Variants in FAM171A2 observed in about 807,000 individuals in gnomAD.
FAM171A2 encodes protein FAM171A2.
A neutral mutation model predicts 34.2 loss-of-function variants in FAM171A2; 13 were observed. That is an observed-to-expected ratio of 0.38 (90% CI 0.25 to 0.60). FAM171A2 has a LOEUF of 0.60. Among genes scored for constraint, FAM171A2 ranks in the 20% least tolerant of loss-of-function variants. The pLI is 0.62. For missense variants in FAM171A2, 950 were observed against 1,180.7 expected, an observed-to-expected ratio of 0.80 and a Z score of 2.86; for synonymous variants, 475 against 561.2, an observed-to-expected ratio of 0.85 and a Z score of 2.17.
chr17:44,356,589 C>G lies in FAM171A2; in HGVS notation c.440-1G>C. ...TGCACCAAGGGCTGGGAGCGGGCAC[C>G]TGGAGGGAAAGAGGGGCTGCAGTGG... On this transcript the variant is annotated splice_acceptor_variant, in intron 3 of 7. Coordinates refer to ENST00000293443, the MANE Select transcript of FAM171A2 (RefSeq NM_198475.3). LOFTEE classifies it high-confidence loss of function. The G allele has an allele frequency of 6.5e-7, 1 of 1,539,646 alleles. No individual in the cohort carries two copies. Among genetic ancestry groups the G allele is most frequent in the Non-Finnish European group, 8.8e-7 (1 of 1,141,024 alleles).
In FAM171A2 at chr17:44,359,994, C is replaced by T; in HGVS notation, c.257G>A (p.Ser86Asn). 1.9e-6 allele frequency: 3 copies of T among 1,551,714 alleles called. No homozygotes were observed. The highest frequency in any genetic ancestry group is 2.0e-5 in the Admixed American group (1 of 51,000). The change falls in exon 2 of 8, where the codon AGT becomes AAT. Residue 86 changes from serine (S) to asparagine (N), a missense_variant. Ser to Asn is a conservative substitution (Grantham distance 46). Coordinates refer to ENST00000293443, the MANE Select transcript of FAM171A2 (RefSeq NM_198475.3). Reference protein sequence around the residue: ...DSEGVATLPLSYRLGTWVLVT... With the variant: ...DSEGVATLPLNYRLGTWVLVT... ...CAGCACCCAGGTGCCCAAGCGATAACTGAGGGGCAGGGTGGCCACACCCTC... is the reference window on the plus strand; with the variant it reads ...CAGCACCCAGGTGCCCAAGCGATAATTGAGGGGCAGGGTGGCCACACCCTC...
At position 44,359,934 on chromosome 17, in the gene FAM171A2, G is replaced by C; in HGVS notation, c.317C>G (p.Ser106Cys). The change falls in exon 2 of 8, where the codon TCT becomes TGT. Residue 106 changes from serine to cysteine, a missense_variant. By Grantham distance (112) the Ser-to-Cys change is moderately radical (BLOSUM62 -1). Around this residue, in one of 3 missense-constraint regions of FAM171A2, gnomAD observed 752 missense variants for 924.5 expected, o/e 0.81. Coordinates refer to ENST00000293443, the MANE Select transcript of FAM171A2 (RefSeq NM_198475.3). ...TAARPGFLTN[S>C]VPWRVDKLPL... ...CAGCTTGTCAACACGCCAGGGCACA[G>C]AGTTGGTGAGGAAGCCAGGGCGGGC... 1 of 1,549,024 alleles carries C rather than the reference G, an allele frequency of 6.5e-7. No individual in the cohort carries two copies. Among genetic ancestry groups the C allele is most frequent in the Non-Finnish European group, 8.7e-7 (1 of 1,145,434 alleles).
rs2048404461 is a variant in FAM171A2, at chr17:44,353,881, G to A, written c.2333C>T (p.Ser778Phe). The change falls in exon 8 of 8, where the codon TCC becomes TTC. Residue 778 changes from serine to phenylalanine, a missense_variant. By Grantham distance (155) the Ser-to-Phe change is radical (BLOSUM62 -2). This residue lies in a region of FAM171A2 where 191 missense variants were observed against 222.8 expected (regional missense o/e 0.86). Coordinates refer to ENST00000293443, the MANE Select transcript of FAM171A2 (RefSeq NM_198475.3). ...RGRGRSRGDS[S>F]RSSASELRRD... ...CCGCAGCTCGCTGGCGCTGCTGCGG[G>A]AGCTGTCCCCGCGGCTGCGGCCCCG... 7.5e-7 allele frequency: 1 copy of A among 1,341,256 alleles called. No individual in the cohort carries two copies. The highest frequency in any genetic ancestry group is 9.5e-7 in the Non-Finnish European group (1 of 1,048,014). 83.1% of individuals were successfully genotyped at this position (1,341,256 alleles called of 1,614,324 possible). A position where few individuals can be genotyped will look rare whatever the true frequency, so the allele number is the denominator to read the frequency against.
At position 44,354,682 on chromosome 17, in the gene FAM171A2, G is replaced by C; in HGVS notation, c.1532C>G (p.Pro511Arg). 7.5e-7 allele frequency: 1 copy of C among 1,330,974 alleles called. No individual in the cohort carries two copies. The highest frequency in any genetic ancestry group is 9.6e-7 in the Non-Finnish European group (1 of 1,039,502). 82.4% of individuals were successfully genotyped at this position (1,330,974 alleles called of 1,614,324 possible). ...GAGCTGCCCCGCCTGGCCCAGCGAC[G>C]GCGGCCGCGCCAGCTGGTCCACCGA... is the stretch of plus-strand genomic sequence containing the variant. ...SQSVDQLARP[P>R]SLGQAGQLIF... The change falls in exon 8 of 8, where the codon CCG (proline) becomes CGG (arginine). Residue 511 changes from proline (P) to arginine (R), a missense_variant. This residue lies in a region of FAM171A2 where 752 missense variants were observed against 924.5 expected (regional missense o/e 0.81). Transcript: ENST00000293443. This position sits in a 1 kb window ranked among gnomAD's most constrained non-coding sequence, Gnocchi z 5.8.
In FAM171A2 at chr17:44,354,057, GGGCGGC is replaced by G. The variant is rs961223614; in HGVS notation, c.2151_2156del (p.Pro718_Pro719del). ...CGCTGAGCGCCAGGCGCGGGGGCGC[GGGCGGC>G]GGCGGCGGCGCGGCAGGCGGGGCGC... On this transcript the variant is annotated inframe_deletion, in exon 8 of 8. Transcript: ENST00000293443. The surrounding 1 kb of genome is among the most constrained non-coding windows in gnomAD (Gnocchi z 5.8). The G allele has an allele frequency of 2.4e-5, 27 of 1,124,800 alleles. No homozygotes were observed. The Middle Eastern group carries it at 1.5e-3, about 62-fold the overall frequency. 69.7% of individuals were successfully genotyped at this position (1,124,800 alleles called of 1,614,324 possible). A position where few individuals can be genotyped will look rare whatever the true frequency, so the allele number is the denominator to read the frequency against.
Position 44,354,583 on chromosome 17 carries a change from G to A in FAM171A2, c.1631C>T (p.Ala544Val). 8.1e-7 allele frequency: 1 copy of A among 1,233,262 alleles called. No homozygotes were observed. The highest frequency in any genetic ancestry group is 1.0e-6 in the Non-Finnish European group (1 of 985,596). 76.4% of individuals were successfully genotyped at this position (1,233,262 alleles called of 1,614,324 possible). A position where few individuals can be genotyped will look rare whatever the true frequency, so the allele number is the denominator to read the frequency against. The change falls in exon 8 of 8, where the codon GCG (alanine) becomes GTG (valine). Residue 544 changes from alanine (A) to valine (V), a missense_variant. Transcript: ENST00000293443. This position sits in a 1 kb window ranked among gnomAD's most constrained non-coding sequence, Gnocchi z 5.8. Reference protein sequence around the residue: ...RNVMPTLVIPAHYVRLGGEAG... With the variant: ...RNVMPTLVIPVHYVRLGGEAG... ...CTCGCCGCCGAGGCGCACGTAGTGC[G>A]CGGGGATCACCAGGGTGGGCATGAC...
chr17:44,360,255 G>T (rs1054127365), intron 1 of FAM171A2, 123 bp from the exon 2 acceptor site: 2 of 792,636 alleles, frequency 2.5e-6, no homozygotes, highest in Non-Finnish European at 2.0e-6. Context: ...GCTAGAGAAG[G>T]CATGATTTAA....
chr17:44,359,488 A>T (rs2048438969), intron 3 of FAM171A2, 91 bp downstream of exon 3: 1 of 1,130,304 alleles, frequency 8.8e-7, no homozygotes, highest in Admixed American at 2.1e-5. Flanking sequence ...TGACTTGCCC[A>T]AGGACACCCA....
Position 44,353,692 on chromosome 17 carries a change from G to A in FAM171A2, c.*41C>T, listed in dbSNP as rs1032146333. ...CCCCCGGGGCGCGCACCCTGGGTGC[G>A]GGCCCGCGCGGGAGGGGCGGTGCCA... On this transcript the variant is annotated 3_prime_UTR_variant, in exon 8 of 8. Transcript: ENST00000293443. 8 of 1,259,306 alleles carry A rather than the reference G, an allele frequency of 6.4e-6. No homozygotes were observed. The highest frequency in any genetic ancestry group is 8.0e-6 in the Non-Finnish European group (8 of 1,004,514). The allele number at this position is 1,259,306 out of a possible 1,614,324, so 78.0% of individuals were successfully genotyped here. A position where few individuals can be genotyped will look rare whatever the true frequency, so the allele number is the denominator to read the frequency against.
chr17:44,357,201 G>T (rs1180808675), intron 3 of FAM171A2, among the ~76,000 whole-genome samples: 1 of 151,878 alleles, frequency 6.6e-6, no homozygotes, highest in South Asian at 2.1e-4. Context: ...TACAAAATTA[G>T]CTGGGTGTGG....
Position 44,357,152 on chromosome 17 carries a change from A to T in FAM171A2, c.440-564T>A, listed in dbSNP as rs2048427629. The stretch of plus-strand genomic sequence containing the variant: ...CACCTGAGGTCAGGAGTTGGAGACC[A>T]GCCTGACCAACATGGAGAAACCCTG... On this transcript the variant is annotated intron_variant, in intron 3 of 7. Coordinates refer to ENST00000293443, the MANE Select transcript of FAM171A2 (RefSeq NM_198475.3). Among the ~76,000 whole-genome samples the T allele has an allele frequency of 2.6e-5, 4 of 152,080 alleles. No homozygotes were observed. The South Asian group carries it at 8.3e-4, about 32-fold the overall frequency.
rs1465481694 is a variant in FAM171A2 at position 44,356,286 on chromosome 17, C to G, written c.665G>C (p.Gly222Ala). ...GGGGCCTGAGAGCGGCACCTCTGTCCCATTACCTGTCAGCAGGTGCACGCT... is the reference window on the plus strand; with the variant it reads ...GGGGCCTGAGAGCGGCACCTCTGTCGCATTACCTGTCAGCAGGTGCACGCT... The part of the protein sequence containing the change: ...AVSVHLLTGN[G>A]TEVPLSGPIH... Residue 222 changes from glycine to alanine, a missense_variant, in exon 5 of 8, where the codon GGG becomes GCG. This residue lies in a region of FAM171A2 where 752 missense variants were observed against 924.5 expected (regional missense o/e 0.81). Coordinates refer to ENST00000293443, the MANE Select transcript of FAM171A2 (RefSeq NM_198475.3). The G allele has an allele frequency of 6.4e-7, 1 of 1,551,034 alleles. No individual in the cohort carries two copies. Among genetic ancestry groups the G allele is most frequent in the Non-Finnish European group, 8.7e-7 (1 of 1,146,706 alleles).
chr17:44,357,759 T>G lies in FAM171A2; in HGVS notation c.440-1171A>C, dbSNP rs1164700813. On this transcript the variant is annotated intron_variant, in intron 3 of 7. Transcript: ENST00000293443. ...TGTGTGTGTGTGTGTGTGTGTGTGT[T>G]GGGGTGGAGGGGACAGACATACAAA... Among the ~76,000 whole-genome samples the G allele has an allele frequency of 1.4e-3, 106 of 74,452 alleles. 1 individual carries two copies. Among genetic ancestry groups the G allele is most frequent in the African/African-American group, 7.2e-3 (101 of 14,010 alleles). 48.8% of individuals were successfully genotyped at this position (74,452 alleles called of 152,430 possible). A position where few individuals can be genotyped will look rare whatever the true frequency, so the allele number is the denominator to read the frequency against.
rs1259087677 is a variant in FAM171A2 at position 44,354,903 on chromosome 17, C to T, written c.1311G>A (p.Glu437=). The change falls in exon 8 of 8, where the codon GAG becomes GAA. Residue 437 remains glutamate (E), a synonymous_variant. Coordinates refer to ENST00000293443, the MANE Select transcript of FAM171A2 (RefSeq NM_198475.3). The surrounding 1 kb of genome is among the most constrained non-coding windows in gnomAD (Gnocchi z 5.8). ...AAEPSGARGG[E]SAGLKGARSA... ...AGCGAGCGCCCTTGAGCCCGGCGCT[C>T]TCGCCCCCGCGGGCACCCGAAGGCT... The T allele has an allele frequency of 1.1e-5, 16 of 1,397,972 alleles. No individual in the cohort carries two copies. Among genetic ancestry groups the T allele is most frequent in the Middle Eastern group, 2.7e-4 (1 of 3,772 alleles). The allele number at this position is 1,397,972 out of a possible 1,614,324, so 86.6% of individuals were successfully genotyped here. A position where few individuals can be genotyped will look rare whatever the true frequency, so the allele number is the denominator to read the frequency against.
At position 44,353,891 on chromosome 17, in the gene FAM171A2, C is replaced by CGCGGCT. The variant is rs1328567734; in HGVS notation, c.2317_2322dup (p.Ser773_Arg774dup). 2 of 1,312,238 alleles carry CGCGGCT rather than the reference C, an allele frequency of 1.5e-6. No individual in the cohort carries two copies. Among genetic ancestry groups the CGCGGCT allele is most frequent in the East Asian group, 3.3e-5 (1 of 30,636 alleles). The allele number at this position is 1,312,238 out of a possible 1,614,324, so 81.3% of individuals were successfully genotyped here. A position where few individuals can be genotyped will look rare whatever the true frequency, so the allele number is the denominator to read the frequency against. On this transcript the variant is annotated inframe_insertion, in exon 8 of 8. Transcript: ENST00000293443. Reference sequence around the variant, plus strand: ...CTGGCGCTGCTGCGGGAGCTGTCCCCGCGGCTGCGGCCCCGCCCCCGGGGT... The same window carrying CGCGGCT: ...CTGGCGCTGCTGCGGGAGCTGTCCCCGCGGCTGCGGCTGCGGCCCCGCCCCCGGGGT...
chr17:44,355,564 A>C lies in FAM171A2; in HGVS notation c.1022+151T>G, dbSNP rs1413816595. On this transcript the variant is annotated intron_variant, in intron 7 of 7. Coordinates refer to ENST00000293443, the MANE Select transcript of FAM171A2 (RefSeq NM_198475.3). The surrounding 1 kb of genome is among the most constrained non-coding windows in gnomAD (Gnocchi z 4.1). The stretch of plus-strand genomic sequence containing the variant: ...CCCCTCCCACCTCCCCGCTGTCTTC[A>C]ACCACCAGCACCAGCCCTTCAGGTC... 2 of 1,207,536 alleles carry C rather than the reference A, an allele frequency of 1.7e-6. No individual in the cohort carries two copies. The highest frequency in any genetic ancestry group is 1.5e-5 in the South Asian group (1 of 65,548). The allele number at this position is 1,207,536 out of a possible 1,614,324, so 74.8% of individuals were successfully genotyped here.
At chr17:44,362,446 G>A (rs939736615) in intron 1 of FAM171A2, among the ~76,000 whole-genome samples, 3 of 152,066 alleles carry the variant, frequency 2.0e-5, no homozygotes, top group Admixed American at 6.5e-5. Context: ...CCCTTCATCC[G>A]GACCCCACTT....
rs2048406737 is a variant in FAM171A2, at chr17:44,354,102, C to T, written c.2112G>A (p.Arg704=). The change falls in exon 8 of 8, where the codon AGG becomes AGA. Residue 704 remains arginine (R), a synonymous_variant. Coordinates refer to ENST00000293443, the MANE Select transcript of FAM171A2 (RefSeq NM_198475.3). The surrounding 1 kb of genome is among the most constrained non-coding windows in gnomAD (Gnocchi z 5.8). ...EARPARRRPA[R]EERERAPPAA... ...CAGGCGGGGCGCGCTCCCGCTCCTC[C>T]CTCGCGGGCCGGCGGCGCGCGGGCC... 2 of 1,123,028 alleles carry T rather than the reference C, an allele frequency of 1.8e-6. No homozygotes were observed. Among genetic ancestry groups the T allele is most frequent in the Non-Finnish European group, 2.2e-6 (2 of 917,912 alleles). 69.6% of individuals were successfully genotyped at this position (1,123,028 alleles called of 1,614,324 possible). A position where few individuals can be genotyped will look rare whatever the true frequency, so the allele number is the denominator to read the frequency against.
At chr17:44,356,104 G>A (rs1598368769) in intron 5 of FAM171A2, 30 bp from the exon 6 acceptor site, 5 of 1,525,588 alleles carry the variant, frequency 3.3e-6, no homozygotes, top group Admixed American at 4.1e-5. Context: ...TGTCACACTT[G>A]AGTCGCTCCC....
Sources: allele counts gnomAD v4.1 joint callset (sites outside exome capture counted in the v4.1 genomes callset), GRCh38; gene constraint gnomAD v4.1.1; regional missense constraint gnomAD v4.1.1; non-coding constraint Gnocchi (gnomAD v3.1); transcripts MANE v1.5; gene names NCBI Gene and HGNC (gene_info 2026-07-23, HGNC 2026-07-21).